Variants in SLC30A8 observed in about 807,000 individuals in gnomAD.
SLC30A8 encodes the protein proton-coupled zinc antiporter SLC30A8.
In SLC30A8, 27 loss-of-function variants were observed where a neutral mutation model predicts 36.9. The ratio of observed to expected loss-of-function variants is 0.73; its 90% CI spans 0.54 to 1.01. The LOEUF is 1.01. Ranked by LOEUF, SLC30A8 falls within the 50% of genes least tolerant of loss-of-function variation. The probability of loss-of-function intolerance (pLI) is 0.00; values close to 1 mark genes in which losing one functional copy is unlikely to be tolerated. For synonymous variants in SLC30A8, 164 were observed against 172.4 expected, an observed-to-expected ratio of 0.95 and a Z score of 0.38; for missense variants, 439 against 452.0, an observed-to-expected ratio of 0.97 and a Z score of 0.26.
chr8:117,019,360 A>G (rs1816630365), intron 1 of SLC30A8, among the ~76,000 whole-genome samples: 1 of 152,234 alleles, frequency 6.6e-6, no homozygotes, highest in African/African-American at 2.4e-5. Context: ...ACAATTTCAT[A>G]CAAAAATAAA....
At chr8:117,160,577 G>A (rs1822739016) in intron 4 of SLC30A8, among the ~76,000 whole-genome samples, 1 of 152,184 alleles carries the variant, frequency 6.6e-6, no homozygotes, top group African/African-American at 2.4e-5. Flanking sequence ...GCATATGAGT[G>A]ACTACACAAG....
At chr8:116,976,083 A>G (rs73312221) in intron 1 of SLC30A8, among the ~76,000 whole-genome samples, 4,197 of 152,242 alleles carry the variant, frequency 0.028, 180 homozygotes, top group African/African-American at 0.095. Flanking sequence ...TTACTTTCAT[A>G]TAGAATCAGT....
At chr8:117,170,398 T>A (rs1253153233) in intron 6 of SLC30A8, among the ~76,000 whole-genome samples, 1 of 152,180 alleles carries the variant, frequency 6.6e-6, no homozygotes, top group African/African-American at 2.4e-5. Context: ...TTCTACAGCA[T>A]CCTCCAATGT....
At position 117,169,123 on chromosome 8, in the gene SLC30A8, C is replaced by T. The variant is rs138669430; in HGVS notation, c.830-1911C>T. ...AATTTGAGACAAGAACTCCTTTCAT[C>T]TGCTTCTAGGAGCCTAGGTCTTTTG... On this transcript the variant is annotated intron_variant, in intron 6 of 7. Transcript: ENST00000456015. Among the ~76,000 whole-genome samples the T allele has an allele frequency of 2.5e-3, 376 of 152,260 alleles. 1 individual carries two copies. The highest frequency in any genetic ancestry group is 8.7e-3 in the African/African-American group (363 of 41,550).
chr8:116,970,742 G>A (rs1814765049), intron 1 of SLC30A8, among the ~76,000 whole-genome samples: 1 of 152,134 alleles, frequency 6.6e-6, no homozygotes, highest in Non-Finnish European at 1.5e-5. Context: ...AAATCACTTA[G>A]AACAAAGGCT....
intron 2 of SLC30A8, among the ~76,000 whole-genome samples, chr8:117,072,731 T>G (rs1818368913): frequency 1.3e-5 from 2 of 152,084 alleles, no homozygotes; most frequent in Non-Finnish European, 2.9e-5. Context: ...GTCTCTACAT[T>G]AAAGGGACAT....
intron 1 of SLC30A8, among the ~76,000 whole-genome samples, chr8:116,966,489 A>C (rs1466392793): frequency 6.6e-6 from 1 of 152,106 alleles, no homozygotes; most frequent in Non-Finnish European, 1.5e-5. Flanking sequence ...ATAATCCTAT[A>C]AACATGTTTT....
intron 2 of SLC30A8, among the ~76,000 whole-genome samples, chr8:117,048,973 A>G (rs758355104): frequency 2.0e-5 from 3 of 152,184 alleles, no homozygotes; most frequent in Non-Finnish European, 2.9e-5. Flanking sequence ...ATTTCTACCA[A>G]TGTTGGCATT....
chr8:116,978,388 A>G (rs1815126784), intron 1 of SLC30A8, among the ~76,000 whole-genome samples: 1 of 152,080 alleles, frequency 6.6e-6, no homozygotes, highest in Non-Finnish European at 1.5e-5. Context: ...AATAGAAATG[A>G]AGAAACACAT....
At chr8:117,090,306 C>T (rs956004764) in intron 2 of SLC30A8, among the ~76,000 whole-genome samples, 2 of 152,202 alleles carry the variant, frequency 1.3e-5, no homozygotes, top group Non-Finnish European at 2.9e-5. Context: ...ACTAACTCCT[C>T]TAAGAAGCCT....
At chr8:116,959,087 G>A (rs1457119717) in intron 1 of SLC30A8, among the ~76,000 whole-genome samples, 3 of 151,908 alleles carry the variant, frequency 2.0e-5, no homozygotes, top group Non-Finnish European at 2.9e-5. Context: ...CTGACCTCGT[G>A]ATCTGCCCGC....
At chr8:117,065,461 A>G (rs1309130544) in intron 2 of SLC30A8, among the ~76,000 whole-genome samples, 2 of 152,190 alleles carry the variant, frequency 1.3e-5, no homozygotes, top group Admixed American at 6.5e-5. Context: ...TGGTGTCCCT[A>G]CATACCTTAG....
intron 1 of SLC30A8, among the ~76,000 whole-genome samples, chr8:116,994,709 A>C (rs992141994): frequency 6.6e-6 from 1 of 152,100 alleles, no homozygotes; most frequent in Non-Finnish European, 1.5e-5. Flanking sequence ...CACTTTGTAA[A>C]AAACTCATTG....
intron 1 of SLC30A8, among the ~76,000 whole-genome samples, chr8:116,956,649 GTCTCTC>G (rs918031877): frequency 3.3e-5 from 5 of 152,118 alleles, no homozygotes; most frequent in African/African-American, 1.2e-4. Context: ...CAATTGGATA[GTCTCTC>G]TCTTATTTAA....
intron 2 of SLC30A8, among the ~76,000 whole-genome samples, chr8:117,113,535 T>C (rs566450588): frequency 6.6e-6 from 1 of 152,266 alleles, no homozygotes; most frequent in Admixed American, 6.5e-5. Context: ...ATACTAAGCC[T>C]GGCTGCATTG....
intron 2 of SLC30A8, among the ~76,000 whole-genome samples, chr8:117,045,055 T>C (rs1264291488): frequency 1.3e-5 from 2 of 152,270 alleles, no homozygotes; most frequent in African/African-American, 2.4e-5. Context: ...CAGCATTGCC[T>C]TCTGCATCCT....
At chr8:117,157,907 G>A in intron 4 of SLC30A8, 63 bp downstream of exon 4, 1 of 1,573,286 alleles carries the variant, frequency 6.4e-7, no homozygotes, top group Non-Finnish European at 8.6e-7. Flanking sequence ...TCTGGACAAA[G>A]TCGACCTTTT....
intron 1 of SLC30A8, among the ~76,000 whole-genome samples, chr8:117,018,406 C>A (rs1316624917): frequency 6.6e-6 from 1 of 151,694 alleles, no homozygotes; most frequent in East Asian, 1.9e-4. Context: ...CTTTTTTTTA[C>A]TAAGTCTTCA....
At chr8:117,016,843 TATG>T (rs1168581297) in intron 1 of SLC30A8, among the ~76,000 whole-genome samples, 1 of 152,194 alleles carries the variant, frequency 6.6e-6, no homozygotes, top group Non-Finnish European at 1.5e-5. Context: ...TCTCCATTGT[TATG>T]ATGATACTGC....
Sources: allele counts gnomAD v4.1 joint callset (sites outside exome capture counted in the v4.1 genomes callset), GRCh38; gene constraint gnomAD v4.1.1; transcripts MANE v1.5; gene names NCBI Gene and HGNC (gene_info 2026-07-23, HGNC 2026-07-21).